The following SOX6 variants were observed in gnomAD, a reference collection of about 807,000 sequenced individuals.
SOX6 encodes the protein transcription factor SOX-6.
In SOX6, 11 loss-of-function variants were observed where a neutral mutation model predicts 97.8. That is an observed-to-expected ratio of 0.11 (90% CI 0.07 to 0.19). SOX6 has a LOEUF of 0.19. SOX6 is among the 10% of genes least tolerant of loss of function. The pLI is 1.00. For missense variants in SOX6, 810 were observed against 1,039.5 expected, an observed-to-expected ratio of 0.78 and a Z score of 3.04; for synonymous variants, 360 against 371.4, an observed-to-expected ratio of 0.97 and a Z score of 0.35.
rs1354426604 is a variant in SOX6, at chr11:16,132,486, A to AAG, written c.778-20565_778-20564dup. On this transcript the variant is annotated intron_variant, in intron 6 of 15. Transcript: ENST00000683767. The stretch of plus-strand genomic sequence containing the variant: ...AAAGAAAGAAAGAAAGAAAGAAAGA[A>AAG]AGAAAGAAAGAAAGAAAGAAAGCTT... 1.1e-4 allele frequency among the ~76,000 whole-genome samples: 17 copies of AAG among 148,876 alleles called. 1 individual carries two copies. Among genetic ancestry groups the AAG allele is most frequent in the African/African-American group, 3.7e-4 (15 of 40,262 alleles).
chr11:16,520,747 CACCTGGAA>C (rs1861046091), intron 4 of SOX6, among the ~76,000 whole-genome samples: 2 of 152,332 alleles, frequency 1.3e-5, no homozygotes, highest in South Asian at 4.1e-4. Context: ...TGATGGACGG[CACCTGGAA>C]AATCAGGTCA....
intron 1 of SOX6, among the ~76,000 whole-genome samples, chr11:16,455,308 C>A (rs1859791783): frequency 6.6e-6 from 1 of 151,840 alleles, no homozygotes; most frequent in South Asian, 2.1e-4. Flanking sequence ...AAGTATAAAC[C>A]TAACCCCTTG....
At chr11:16,026,547 C>T (rs1432244198) in intron 12 of SOX6, among the ~76,000 whole-genome samples, 2 of 152,196 alleles carry the variant, frequency 1.3e-5, no homozygotes, top group African/African-American at 2.4e-5. Flanking sequence ...CAGAATACAT[C>T]TCTTTTTGTC....
At chr11:16,309,667 T>C (rs1855539361) in intron 3 of SOX6, among the ~76,000 whole-genome samples, 1 of 152,158 alleles carries the variant, frequency 6.6e-6, no homozygotes. Context: ...GTTTATAATA[T>C]ACATATCAAA....
At chr11:16,331,995 A>G (rs1590132263) in intron 2 of SOX6, among the ~76,000 whole-genome samples, 1 of 152,130 alleles carries the variant, frequency 6.6e-6, no homozygotes, top group Admixed American at 6.6e-5. Context: ...TCATTCCTTG[A>G]CCTACCGTGT....
intron 1 of SOX6, among the ~76,000 whole-genome samples, chr11:16,367,535 C>T (rs12283348): frequency 0.024 from 3,722 of 152,184 alleles, 136 homozygotes; most frequent in African/African-American, 0.077. Context: ...GATAGTACTG[C>T]GTATCCACAG....
intron 4 of SOX6, among the ~76,000 whole-genome samples, chr11:16,591,285 A>G (rs1343945345): frequency 6.6e-6 from 1 of 151,290 alleles, no homozygotes; most frequent in African/African-American, 2.4e-5. Flanking sequence ...AGTGTGTGTT[A>G]CCAAACACAT....
intron 1 of SOX6, among the ~76,000 whole-genome samples, chr11:16,469,590 T>C (rs1860104763): frequency 6.6e-6 from 1 of 152,088 alleles, no homozygotes; most frequent in African/African-American, 2.4e-5. Context: ...GTTTATTCCA[T>C]TAAGGTCTCC....
intron 1 of SOX6, among the ~76,000 whole-genome samples, chr11:16,403,599 T>C (rs891229713): frequency 3.3e-5 from 5 of 151,730 alleles, no homozygotes; most frequent in African/African-American, 2.4e-5. Context: ...CTGTTACCAC[T>C]GCCTACAGTA....
At chr11:16,645,236 C>T (rs1172380305) in intron 3 of SOX6, among the ~76,000 whole-genome samples, 10 of 152,168 alleles carry the variant, frequency 6.6e-5, no homozygotes, top group Non-Finnish European at 4.4e-5. Context: ...TGGCAACATA[C>T]TGTCTCCAAA....
chr11:15,991,667 A>G lies in SOX6; in HGVS notation c.1733-2437T>C, dbSNP rs149390702. Among the ~76,000 whole-genome samples, 18 of 152,336 alleles carry G rather than the reference A, an allele frequency of 1.2e-4. No individual in the cohort carries two copies. The East Asian group carries it at 3.3e-3, about 28-fold the overall frequency. On this transcript the variant is annotated intron_variant, in intron 13 of 15. Coordinates refer to ENST00000683767, the MANE Select transcript of SOX6 (RefSeq NM_001367873.1). The stretch of plus-strand genomic sequence containing the variant: ...TTGTAGCTTTCTCTCCACCTCTAGC[A>G]AAACCAAATAGTCAGCTTCCATTTA...
intron 2 of SOX6, among the ~76,000 whole-genome samples, chr11:16,319,851 T>TA (rs1855863025): frequency 6.6e-6 from 1 of 151,934 alleles, no homozygotes; most frequent in East Asian, 1.9e-4. Flanking sequence ...CGTCTTTTTT[T>TA]TTTTATTTTA....
chr11:16,409,948 G>C (rs1503447), intron 1 of SOX6, among the ~76,000 whole-genome samples: 82,008 of 151,920 alleles, frequency 0.54, 22,687 homozygotes, highest in Non-Finnish European at 0.61. Context: ...CTTATATGTG[G>C]AATCTAAAAC....
chr11:16,018,685 T>A (rs1854958202), intron 12 of SOX6, among the ~76,000 whole-genome samples: 1 of 152,184 alleles, frequency 6.6e-6, no homozygotes, highest in Non-Finnish European at 1.5e-5. Flanking sequence ...TAAATTTATG[T>A]GTGTTATTTA....
At chr11:16,562,535 T>A (rs559289831) in intron 4 of SOX6, among the ~76,000 whole-genome samples, 2 of 152,180 alleles carry the variant, frequency 1.3e-5, no homozygotes, top group African/African-American at 2.4e-5. Flanking sequence ...ATACTATGGC[T>A]CCACCCTGAC....
At chr11:16,499,944 T>C (rs1273475690) in intron 4 of SOX6, among the ~76,000 whole-genome samples, 1 of 152,166 alleles carries the variant, frequency 6.6e-6, no homozygotes, top group African/African-American at 2.4e-5. Flanking sequence ...GAGGGAATCC[T>C]CCCTAACTCA....
chr11:15,993,515 A>T (rs1854120863), intron 13 of SOX6, among the ~76,000 whole-genome samples: 1 of 152,178 alleles, frequency 6.6e-6, no homozygotes, highest in South Asian at 2.1e-4. Context: ...CTGACCTAAG[A>T]GTCTTTAATT....
At chr11:16,256,644 C>A (rs1176868499) in intron 3 of SOX6, among the ~76,000 whole-genome samples, 1 of 151,860 alleles carries the variant, frequency 6.6e-6, no homozygotes, top group Non-Finnish European at 1.5e-5. Context: ...AGATTAGAAA[C>A]AAGGGGAGGA....
intron 6 of SOX6, among the ~76,000 whole-genome samples, chr11:16,128,518 A>T (rs181765795): frequency 6.4e-4 from 98 of 152,332 alleles, no homozygotes; most frequent in Non-Finnish European, 1.2e-3. Context: ...TGCCAAGGTC[A>T]CAAAACTTAA....
Sources: gnomAD v4.1 joint callset for allele counts (sites outside exome capture counted in the v4.1 genomes callset) on GRCh38, gnomAD v4.1.1 for gene constraint, MANE v1.5 for transcripts, NCBI Gene and HGNC (gene_info 2026-07-23, HGNC 2026-07-21) for gene names.